ARHGEF11: variants seen among roughly 807,000 people sequenced by gnomAD.
ARHGEF11 encodes the protein Rho guanine nucleotide exchange factor 11, also known as Rho guanine exchange factor (GEF) 11.
A neutral mutation model predicts 193.7 loss-of-function variants in ARHGEF11; 55 were observed. The ratio of observed to expected loss-of-function variants is 0.28; its 90% CI spans 0.23 to 0.36. The LOEUF (loss-of-function observed/expected upper bound fraction) is 0.36, where lower values mean the gene tolerates loss of function less well. Ranked by LOEUF, ARHGEF11 falls within the 10% of genes least tolerant of loss-of-function variation. ARHGEF11 has a pLI of 1.00. For synonymous variants in ARHGEF11, 693 were observed against 768.0 expected (o/e 0.90, Z 1.62); for missense variants, 1,723 against 2,005.6 (o/e 0.86, Z 2.69).
chr1:156,951,480 G>A, intron 22 of ARHGEF11, 93 bp downstream of exon 22: 1 of 1,531,800 alleles, frequency 6.5e-7, no homozygotes, highest in South Asian at 1.2e-5. Context: ...AGCTAGTGGA[G>A]AGGGGTCAAG....
At chr1:157,010,780 T>C (rs918667417) in intron 1 of ARHGEF11, among the ~76,000 whole-genome samples, 7 of 152,082 alleles carry the variant, frequency 4.6e-5, no homozygotes, top group Non-Finnish European at 7.4e-5. Context: ...CCCATATTAA[T>C]AGCGGCAAAA....
chr1:157,040,691 T>C (rs1287741556), intron 1 of ARHGEF11, among the ~76,000 whole-genome samples: 2 of 152,204 alleles, frequency 1.3e-5, no homozygotes, highest in African/African-American at 2.4e-5. Flanking sequence ...CAAAATGATA[T>C]AAAGATTTCA....
chr1:157,007,150 A>C (rs1311719895), intron 1 of ARHGEF11, among the ~76,000 whole-genome samples: 1 of 152,228 alleles, frequency 6.6e-6, no homozygotes, highest in Non-Finnish European at 1.5e-5. Flanking sequence ...GAGAAAAAAC[A>C]GGAGAGTTAG....
rs762136245 is a variant in ARHGEF11, at chr1:156,947,007, A to G, written c.2497T>C (p.Cys833Arg). 1 of 1,614,026 alleles carries G rather than the reference A, an allele frequency of 6.2e-7. No homozygotes were observed. Among genetic ancestry groups the G allele is most frequent in the Non-Finnish European group, 8.5e-7 (1 of 1,180,008 alleles). ...PELIEIHNSW[C>R]EAMKKLREEG... ...TCCCGGAGCTTCTTCATGGCTTCACACCAGGAATCTGGGGCAGGAAGAGAA... is the reference window on the plus strand; with the variant it reads ...TCCCGGAGCTTCTTCATGGCTTCACGCCAGGAATCTGGGGCAGGAAGAGAA... The change falls in exon 27 of 41, where the codon TGT (cysteine) becomes CGT (arginine). Residue 833 changes from cysteine to arginine, a missense_variant. Cys to Arg is a radical substitution (Grantham distance 180). Transcript: ENST00000368194.
At chr1:156,995,012 T>C (rs77968490) in intron 1 of ARHGEF11, among the ~76,000 whole-genome samples, 17 of 98,868 alleles carry the variant, frequency 1.7e-4, no homozygotes, top group African/African-American at 7.1e-4. Context: ...GAGATTATCT[T>C]TGACATCTCT....
chr1:156,936,847 G>A lies in ARHGEF11; in HGVS notation c.4599C>T (p.Asn1533=), dbSNP rs762825447. The change falls in exon 40 of 41, where the codon AAC becomes AAT. Residue 1533 remains asparagine (N), a synonymous_variant. Transcript: ENST00000368194. ...CAGGGCAGGGCCCCAGTTCATGGCT[G>A]TTCCTGGAGTCAGAAGCTAGGGGCT... ...AKEPLASDSR[N]SHELGPCPED... The A allele has an allele frequency of 1.6e-5, 26 of 1,614,138 alleles. No homozygotes were observed. The East Asian group carries it at 5.6e-4, about 35-fold the overall frequency.
intron 1 of ARHGEF11, among the ~76,000 whole-genome samples, chr1:157,010,290 G>C (rs1225684862): frequency 6.6e-6 from 1 of 152,182 alleles, no homozygotes; most frequent in Non-Finnish European, 1.5e-5. Flanking sequence ...AAGGTATCCA[G>C]ATGGAAAAGG....
intron 1 of ARHGEF11, among the ~76,000 whole-genome samples, chr1:157,014,635 G>A (rs144763928): frequency 6.6e-6 from 1 of 152,016 alleles, no homozygotes; most frequent in African/African-American, 2.4e-5. Flanking sequence ...CGTCTACATC[G>A]ACTGTCTCCA....
chr1:156,979,090 A>T, intron 5 of ARHGEF11, 139 bp downstream of exon 5: 1 of 754,246 alleles, frequency 1.3e-6, no homozygotes, highest in Non-Finnish European at 2.3e-6. Flanking sequence ...CCATGTTACG[A>T]TTAAAGATGT....
At chr1:157,016,050 A>G (rs1037300304) in intron 1 of ARHGEF11, among the ~76,000 whole-genome samples, 1 of 152,256 alleles carries the variant, frequency 6.6e-6, no homozygotes, top group South Asian at 2.1e-4. Context: ...AAACAACAAA[A>G]GAACAGTAGG....
intron 1 of ARHGEF11, among the ~76,000 whole-genome samples, chr1:157,026,667 T>C (rs1670679184): frequency 6.6e-6 from 1 of 152,186 alleles, no homozygotes; most frequent in Admixed American, 6.5e-5. Flanking sequence ...ATAGGTTCAA[T>C]GCTATGTGAT....
intron 26 of ARHGEF11, 86 bp from the exon 27 acceptor site, chr1:156,947,101 C>T (rs1372340365): frequency 1.3e-6 from 2 of 1,550,438 alleles, no homozygotes; most frequent in Non-Finnish European, 1.8e-6. Flanking sequence ...GAATCTCTGA[C>T]AGCAGTGCCA....
intron 1 of ARHGEF11, among the ~76,000 whole-genome samples, chr1:157,026,324 C>T (rs1670634046): frequency 6.6e-6 from 1 of 152,208 alleles, no homozygotes; most frequent in South Asian, 2.1e-4. Flanking sequence ...ATTTCTCAGA[C>T]CATCCTCCTA....
At chr1:156,978,838 C>T (rs180817823) in intron 5 of ARHGEF11, among the ~76,000 whole-genome samples, 5 of 152,326 alleles carry the variant, frequency 3.3e-5, no homozygotes, top group African/African-American at 7.2e-5. Flanking sequence ...AATTGTTGGG[C>T]CTTCCTGGCT....
At chr1:157,016,456 GTGA>G (rs1272361225) in intron 1 of ARHGEF11, among the ~76,000 whole-genome samples, 3 of 152,158 alleles carry the variant, frequency 2.0e-5, no homozygotes, top group African/African-American at 7.2e-5. Context: ...TTGGCCTCAA[GTGA>G]TCCACCTGCC....
intron 1 of ARHGEF11, among the ~76,000 whole-genome samples, chr1:157,016,795 TTTA>T (rs2102856973): frequency 1.3e-5 from 1 of 76,980 alleles, no homozygotes; most frequent in Non-Finnish European, 2.5e-5. Flanking sequence ...TAATAGAGTT[TTTA>T]TTATTTATTT....
intron 32 of ARHGEF11, among the ~76,000 whole-genome samples, chr1:156,943,299 G>C (rs985130827): frequency 3.3e-5 from 5 of 152,158 alleles, no homozygotes; most frequent in African/African-American, 1.2e-4. Context: ...GACCTCAAGT[G>C]ATCTGAGTGC....
chr1:157,002,958 A>C (rs1667385036), intron 1 of ARHGEF11, among the ~76,000 whole-genome samples: 1 of 152,228 alleles, frequency 6.6e-6, no homozygotes, highest in Admixed American at 6.5e-5. Flanking sequence ...AGAATTCATA[A>C]GAATGTTAGG....
At chr1:156,962,064 G>A (rs758317288) in intron 13 of ARHGEF11, among the ~76,000 whole-genome samples, 3 of 152,210 alleles carry the variant, frequency 2.0e-5, no homozygotes, top group East Asian at 1.9e-4. Context: ...CCTTTCCCAC[G>A]GGCACATCTT....
Sources: allele counts gnomAD v4.1 joint callset (sites outside exome capture counted in the v4.1 genomes callset), GRCh38; gene constraint gnomAD v4.1.1; transcripts MANE v1.5; gene names NCBI Gene and HGNC (gene_info 2026-07-23, HGNC 2026-07-21).